MIR2052HG: variants seen among roughly 807,000 people sequenced by gnomAD.
MIR2052HG encodes the protein MIR2052 host gene.
chr8:74,700,002 A>C (rs530297261), intron 2 of MIR2052HG, among the ~76,000 whole-genome samples: 2 of 152,296 alleles, frequency 1.3e-5, no homozygotes, highest in African/African-American at 4.8e-5. Flanking sequence ...CCCGTTTATC[A>C]ACCATTTTGC....
intron 1 of MIR2052HG, among the ~76,000 whole-genome samples, chr8:74,608,596 A>G (rs1314772619): frequency 6.6e-6 from 1 of 152,200 alleles, no homozygotes. Context: ...CTGAATCATA[A>G]GTTAAGATTC....
At chr8:74,601,401 A>G (rs1165806539) in intron 1 of MIR2052HG, among the ~76,000 whole-genome samples, 2 of 151,982 alleles carry the variant, frequency 1.3e-5, no homozygotes, top group Admixed American at 1.3e-4. Context: ...AGTGGCATAC[A>G]TTTTCCTGTC....
intron 2 of MIR2052HG, among the ~76,000 whole-genome samples, chr8:74,627,359 A>C (rs1808450842): frequency 6.6e-6 from 1 of 152,224 alleles, no homozygotes; most frequent in Non-Finnish European, 1.5e-5. Context: ...ATGGCTGATG[A>C]GTGTTGCTGA....
At chr8:74,693,546 A>G (rs1809261433) in intron 2 of MIR2052HG, among the ~76,000 whole-genome samples, 1 of 130,954 alleles carries the variant, frequency 7.6e-6, no homozygotes, top group Non-Finnish European at 1.5e-5. Flanking sequence ...GCCTAGGGCA[A>G]GTTCTCAGCT....
At chr8:74,665,362 C>A (rs1383553466) in intron 2 of MIR2052HG, among the ~76,000 whole-genome samples, 1 of 152,308 alleles carries the variant, frequency 6.6e-6, no homozygotes, top group African/African-American at 2.4e-5. Flanking sequence ...GATAAACTTA[C>A]GGGGAGAATA....
At chr8:74,604,636 C>G (rs1442449526) in intron 1 of MIR2052HG, among the ~76,000 whole-genome samples, 1 of 137,766 alleles carries the variant, frequency 7.3e-6, no homozygotes, top group African/African-American at 2.7e-5. Flanking sequence ...TCTTGTTGCC[C>G]AGGCTGGAGT....
At chr8:74,718,288 G>A (rs376704681) in intron 4 of MIR2052HG, among the ~76,000 whole-genome samples, 4 of 152,178 alleles carry the variant, frequency 2.6e-5, no homozygotes, top group Middle Eastern at 3.4e-3. Flanking sequence ...TGGCTCAAAA[G>A]AGCAGTTTAG....
intron 4 of MIR2052HG, among the ~76,000 whole-genome samples, chr8:74,723,956 C>G (rs114348424): frequency 0.011 from 1,697 of 152,256 alleles, 24 homozygotes; most frequent in African/African-American, 0.038. Context: ...CATTCAGCAT[C>G]CTGTTGATTC....
intron 2 of MIR2052HG, among the ~76,000 whole-genome samples, chr8:74,626,549 T>C (rs553029841): frequency 1.8e-4 from 27 of 152,150 alleles, no homozygotes; most frequent in Non-Finnish European, 3.8e-4. Context: ...AAAATTGAAG[T>C]CAGATCTAGG....
chr8:74,713,004 T>C (rs1249310689), intron 4 of MIR2052HG, among the ~76,000 whole-genome samples: 1 of 152,092 alleles, frequency 6.6e-6, no homozygotes, highest in Non-Finnish European at 1.5e-5. Flanking sequence ...GAGTGTAGTA[T>C]ACAGGCAAGA....
chr8:74,665,407 T>C (rs1808911537), intron 2 of MIR2052HG, among the ~76,000 whole-genome samples: 1 of 152,174 alleles, frequency 6.6e-6, no homozygotes, highest in African/African-American at 2.4e-5. Flanking sequence ...CTCCAGGTAC[T>C]CTTTAGCCCT....
intron 2 of MIR2052HG, among the ~76,000 whole-genome samples, chr8:74,694,991 T>C (rs1399187531): frequency 1.3e-5 from 2 of 152,076 alleles, no homozygotes; most frequent in African/African-American, 2.4e-5. Context: ...GGGAAGTTCA[T>C]TGCAAAAAGT....
chr8:74,606,636 A>T (rs995489792), intron 1 of MIR2052HG, among the ~76,000 whole-genome samples: 2 of 152,078 alleles, frequency 1.3e-5, no homozygotes, highest in African/African-American at 4.8e-5. Flanking sequence ...AATGATGAGA[A>T]CACATAGACA....
intron 1 of MIR2052HG, among the ~76,000 whole-genome samples, chr8:74,608,419 AC>A (rs1414377075): frequency 1.3e-5 from 2 of 152,224 alleles, no homozygotes; most frequent in Non-Finnish European, 2.9e-5. Context: ...AGAGAAAAAA[AC>A]ATCTATAAGA....
intron 4 of MIR2052HG, among the ~76,000 whole-genome samples, chr8:74,729,703 G>A (rs896713611): frequency 6.6e-6 from 1 of 152,158 alleles, no homozygotes; most frequent in Non-Finnish European, 1.5e-5. Flanking sequence ...CCAGTCTCTT[G>A]AGCACATTAA....
intron 2 of MIR2052HG, among the ~76,000 whole-genome samples, chr8:74,680,998 G>T (rs1393430752): frequency 6.9e-6 from 1 of 145,846 alleles, no homozygotes; most frequent in African/African-American, 2.5e-5. Context: ...TCACTCACAG[G>T]TGGGAATTGA....
intron 2 of MIR2052HG, among the ~76,000 whole-genome samples, chr8:74,651,815 G>T (rs1371697919): frequency 1.3e-5 from 2 of 152,122 alleles, no homozygotes; most frequent in African/African-American, 4.8e-5. Flanking sequence ...TGCTCTTTCT[G>T]AACCAGCGAG....
intron 4 of MIR2052HG, among the ~76,000 whole-genome samples, chr8:74,751,361 T>C (rs551208267): frequency 6.6e-6 from 1 of 152,220 alleles, no homozygotes; most frequent in Non-Finnish European, 1.5e-5. Flanking sequence ...GAGAAGGCTA[T>C]GGAAAGCCTT....
intron 1 of MIR2052HG, among the ~76,000 whole-genome samples, chr8:74,606,680 C>G (rs983449825): frequency 6.6e-6 from 1 of 151,998 alleles, no homozygotes; most frequent in Non-Finnish European, 1.5e-5. Context: ...GGGGCCTACC[C>G]GAGTGTAGAG....
Sources: allele counts gnomAD v4.1 joint callset (sites outside exome capture counted in the v4.1 genomes callset), GRCh38; gene constraint gnomAD v4.1.1; transcripts MANE v1.5; gene names NCBI Gene and HGNC (gene_info 2026-07-23, HGNC 2026-07-21).